MAP4: variants seen among roughly 807,000 people sequenced by gnomAD.
MAP4 encodes the protein microtubule-associated protein 4.
MAP4 carries 76 observed loss-of-function variants against 170.2 expected under a neutral mutation model. The observed-to-expected ratio is 0.45, with a 90% CI of 0.37 to 0.54. The LOEUF is 0.54. Among genes scored for constraint, MAP4 ranks in the 20% least tolerant of loss-of-function variants. The pLI is 0.00. For synonymous variants in MAP4, 909 were observed against 994.5 expected (o/e 0.91, Z 1.62); for missense variants, 2,506 against 2,748.0 (o/e 0.91, Z 1.97).
In MAP4 at chr3:47,988,151, G is replaced by A. The variant is rs1184219353; in HGVS notation, c.224-10218C>T. ...GGAGCTTGCAGTGAGCCAAGATCGC[G>A]CCACTGCACTCCAGCCTGGGTGACA... On this transcript the variant is annotated intron_variant, in intron 2 of 20. Transcript: ENST00000683076. 4.0e-5 allele frequency among the ~76,000 whole-genome samples: 6 copies of A among 149,910 alleles called. No individual in the cohort carries two copies. The East Asian group carries it at 1.2e-3, about 29-fold the overall frequency.
chr3:48,027,068 T>C (rs1312203273), intron 1 of MAP4, among the ~76,000 whole-genome samples: 1 of 152,250 alleles, frequency 6.6e-6, no homozygotes, highest in African/African-American at 2.4e-5. Flanking sequence ...GAGAATCTTC[T>C]GTAGCCTAGA....
At chr3:47,881,114 G>T (rs2096640185) in intron 10 of MAP4, among the ~76,000 whole-genome samples, 1 of 151,950 alleles carries the variant, frequency 6.6e-6, no homozygotes, top group Non-Finnish European at 1.5e-5. Flanking sequence ...ATCAATCTTA[G>T]TGGGATTGAT....
rs57039104 is a variant in MAP4 at position 47,952,645 on chromosome 3, T to A, written c.293-24295A>T. On this transcript the variant is annotated intron_variant, in intron 3 of 20. Coordinates refer to ENST00000683076, the MANE Select transcript of MAP4 (RefSeq NM_001385682.1). ...TCCACTCAGGGTTAAATGGAAAAAA[T>A]AAATAAATAAATTAAAAAAAAAATA... Among the ~76,000 whole-genome samples the A allele has an allele frequency of 9.3e-3, 1,374 of 147,850 alleles. 25 individuals carry two copies. The highest frequency in any genetic ancestry group is 0.032 in the African/African-American group (1,285 of 40,072).
At chr3:48,062,517 AC>A (rs1267636249) in intron 1 of MAP4, among the ~76,000 whole-genome samples, 29 of 148,016 alleles carry the variant, frequency 2.0e-4, no homozygotes, top group East Asian at 3.9e-4. Context: ...AAAAAAAAAA[AC>A]ATCACTATGT....
chr3:47,893,150 G>C (rs1022553242), intron 10 of MAP4, among the ~76,000 whole-genome samples: 5 of 152,116 alleles, frequency 3.3e-5, no homozygotes, highest in Non-Finnish European at 7.3e-5. Context: ...GACTTGAGTG[G>C]GGTCCCCAAA....
At chr3:47,887,816 CTTTATG>C (rs2097862952) in intron 10 of MAP4, among the ~76,000 whole-genome samples, 1 of 151,548 alleles carries the variant, frequency 6.6e-6, no homozygotes, top group African/African-American at 2.4e-5. Flanking sequence ...CTTGGAAAAC[CTTTATG>C]TCTAGCTCAG....
rs747989769 is a variant in MAP4 at position 47,871,965 on chromosome 3, C to T, written c.5893G>A (p.Gly1965Ser). The T allele has an allele frequency of 7.4e-6, 12 of 1,613,972 alleles. 1 individual carries two copies. In the Admixed American group the frequency reaches 1.2e-4, roughly 16 times the overall value. Residue 1965 changes from glycine to serine, a missense_variant, in exon 13 of 21, where the codon GGC (glycine) becomes AGC (serine). Physicochemically the swap from Gly to Ser is moderately conservative, Grantham distance 56. Around this residue, in one of 3 missense-constraint regions of MAP4, gnomAD observed 487 missense variants for 511.6 expected, o/e 0.95. Transcript: ENST00000683076. ...GTGGAGGGGCTCCTACTGCTTGGGC[C>T]AGTTGAGGCAACAGCAGCAGCTGTT... ...TTTAAAVAST[G>S]PSSRSPSTLL...
rs1194930977 is a variant in MAP4 at position 47,909,798 on chromosome 3, T to C, written c.4623A>G (p.Ala1541=). ...CTATCACATGCCCTTCATCGATCCCTGCTTCATTTTTCATGGAATCAGCAA... is the reference window on the plus strand; with the variant it reads ...CTATCACATGCCCTTCATCGATCCCCGCTTCATTTTTCATGGAATCAGCAA... The part of the protein sequence containing the change: ...AELADSMKNE[A]GIDEGHVIGE... The change falls in exon 9 of 21, where the codon GCA becomes GCG. Residue 1541 remains alanine (A), a synonymous_variant. Coordinates refer to ENST00000683076, the MANE Select transcript of MAP4 (RefSeq NM_001385682.1). 1.2e-6 allele frequency: 2 copies of C among 1,613,936 alleles called. No homozygotes were observed. Among genetic ancestry groups the C allele is most frequent in the Non-Finnish European group, 1.7e-6 (2 of 1,179,904 alleles).
intron 3 of MAP4, among the ~76,000 whole-genome samples, chr3:47,957,602 C>T (rs1394317813): frequency 6.6e-6 from 1 of 152,200 alleles, no homozygotes; most frequent in African/African-American, 2.4e-5. Flanking sequence ...CATATGCCAC[C>T]ATGCCAAGCC....
In MAP4 at chr3:47,911,043, T is replaced by C. The variant is rs2100035721; in HGVS notation, c.3378A>G (p.Gln1126=). 2 of 1,536,194 alleles carry C rather than the reference T, an allele frequency of 1.3e-6. No homozygotes were observed. The highest frequency in any genetic ancestry group is 2.7e-5 in the African/African-American group (2 of 73,184). Residue 1126 remains glutamine, a synonymous_variant, in exon 9 of 21, where the codon CAA becomes CAG. Coordinates refer to ENST00000683076, the MANE Select transcript of MAP4 (RefSeq NM_001385682.1). This position sits in a 1 kb window ranked among gnomAD's most constrained non-coding sequence, Gnocchi z 4.0. ...SEELGLNSSK[Q]PGTKADLTEA... is the part of the protein sequence containing the mutation. ...CCGTGAGATCAGCCTTAGTGCCTGG[T>C]TGCTTTGAAGAATTCAGCCCCAGCT...
chr3:47,973,129 T>C, intron 3 of MAP4: 1 of 983,140 alleles, frequency 1.0e-6, no homozygotes. Context: ...AGTACAGTAA[T>C]CACATTAGAA....
Position 48,041,874 on chromosome 3 carries a change from T to TATA in MAP4, c.-19-42998_-19-42996dup, listed in dbSNP as rs61533892. ...ACTTTCATAACATACTACAGAAAGC[T>TATA]ATAATAGTCAAGACAATGTGGTACT... On this transcript the variant is annotated intron_variant, in intron 1 of 18. Transcript: ENST00000360240. Among the ~76,000 whole-genome samples the TATA allele has an allele frequency of 4.0e-3, 615 of 152,314 alleles. 6 individuals carry two copies. Among genetic ancestry groups the TATA allele is most frequent in the African/African-American group, 0.014 (596 of 41,560 alleles).
At chr3:47,936,747 A>G (rs909305329) in intron 3 of MAP4, among the ~76,000 whole-genome samples, 3 of 151,940 alleles carry the variant, frequency 2.0e-5, no homozygotes, top group Admixed American at 1.3e-4. Flanking sequence ...TTGGGAAGCC[A>G]AGGTAGGCAG....
At position 47,871,266 on chromosome 3, in the gene MAP4, G is replaced by A. The variant is rs1415968434; in HGVS notation, c.5962C>T (p.Pro1988Ser). ...GCAGTCATCTTCTTGACTTCTGCAG[G>A]TTTTCCCTCAGTCTTAATGGCTGTA... ...KPTAIKTEGK[P>S]AEVKKMTAKS... Residue 1988 changes from proline to serine, a missense_variant, in exon 14 of 21, where the codon CCT becomes TCT. Pro to Ser is a moderately conservative substitution (Grantham distance 74). Around this residue, in one of 3 missense-constraint regions of MAP4, gnomAD observed 487 missense variants for 511.6 expected, o/e 0.95. Coordinates refer to ENST00000683076, the MANE Select transcript of MAP4 (RefSeq NM_001385682.1). 3 of 1,614,114 alleles carry A rather than the reference G, an allele frequency of 1.9e-6. No individual in the cohort carries two copies. The East Asian group carries it at 6.7e-5, about 36-fold the overall frequency.
intron 17 of MAP4, among the ~76,000 whole-genome samples, chr3:47,861,283 G>A (rs1417181213): frequency 6.6e-6 from 1 of 152,012 alleles, no homozygotes; most frequent in Non-Finnish European, 1.5e-5. Flanking sequence ...TTGAACCCAG[G>A]AGGCAGAGGC....
intron 1 of MAP4, among the ~76,000 whole-genome samples, chr3:48,087,677 G>A (rs1254671697): frequency 6.6e-6 from 1 of 152,026 alleles, no homozygotes; most frequent in Admixed American, 6.6e-5. Flanking sequence ...CACAGCAGCA[G>A]GGAAATGGGC....
chr3:48,033,862 C>G (rs1315834131), intron 1 of MAP4, among the ~76,000 whole-genome samples: 1 of 152,184 alleles, frequency 6.6e-6, no homozygotes, highest in African/African-American at 2.4e-5. Context: ...CTCAACCTCC[C>G]AAAGTGCTGG....
At chr3:47,891,181 C>T (rs1260597354) in intron 10 of MAP4, 2 of 1,536,056 alleles carry the variant, frequency 1.3e-6, no homozygotes, top group Non-Finnish European at 1.7e-6. Flanking sequence ...TAAAATCTTC[C>T]TGCCCTTTTT....
chr3:47,870,748 T>G, intron 15 of MAP4, 65 bp downstream of exon 15: 1 of 1,457,272 alleles, frequency 6.9e-7, no homozygotes, highest in Non-Finnish European at 9.2e-7. Flanking sequence ...CTGGGAACAG[T>G]GGGTGGAAAT....
Sources: gnomAD v4.1 joint callset for allele counts (sites outside exome capture counted in the v4.1 genomes callset) on GRCh38, gnomAD v4.1.1 for gene constraint, gnomAD v4.1.1 regional missense constraint, Gnocchi (gnomAD v3.1) non-coding constraint, MANE v1.5 for transcripts, NCBI Gene and HGNC (gene_info 2026-07-23, HGNC 2026-07-21) for gene names.